The following SEMA6A variants were observed in gnomAD, a reference collection of about 807,000 sequenced individuals.
The protein encoded by SEMA6A is semaphorin 6A.
SEMA6A carries 25 observed loss-of-function variants against 96.8 expected under a neutral mutation model. The observed-to-expected ratio is 0.26, with a 90% CI of 0.19 to 0.36. The LOEUF is 0.36. Among genes scored for constraint, SEMA6A ranks in the 10% least tolerant of loss-of-function variants. SEMA6A has a pLI of 1.00. For missense variants in SEMA6A, 1,363 were observed against 1,323.1 expected, an observed-to-expected ratio of 1.03 and a Z score of -0.47; for synonymous variants, 612 against 518.0, an observed-to-expected ratio of 1.18 and a Z score of -2.46.
chr5:116,451,422 G>A (rs982705024), intron 18 of SEMA6A, among the ~76,000 whole-genome samples: 6 of 152,262 alleles, frequency 3.9e-5, no homozygotes, highest in African/African-American at 1.4e-4. Context: ...TAGTCAAAAA[G>A]GTGATATGAG....
At chr5:116,531,542 C>T (rs1759478196) in intron 1 of SEMA6A, among the ~76,000 whole-genome samples, 1 of 152,154 alleles carries the variant, frequency 6.6e-6, no homozygotes, top group Non-Finnish European at 1.5e-5. Context: ...CGCTAGGTGT[C>T]CTCCATCCCT....
chr5:116,451,956 C>G (rs1234047487), intron 18 of SEMA6A, among the ~76,000 whole-genome samples: 2 of 142,746 alleles, frequency 1.4e-5, no homozygotes, highest in East Asian at 4.3e-4. Context: ...CCCAGTGGAA[C>G]TGAATAATTA....
chr5:116,489,058 GT>G, intron 7 of SEMA6A, 51 bp from the exon 8 acceptor site: 1 of 1,508,918 alleles, frequency 6.6e-7, no homozygotes, highest in Non-Finnish European at 8.9e-7. Context: ...GTCAGTGGGG[GT>G]GGAGGAATAA....
intron 6 of SEMA6A, among the ~76,000 whole-genome samples, chr5:116,493,932 G>A (rs1043367780): frequency 2.0e-5 from 3 of 152,078 alleles, no homozygotes; most frequent in African/African-American, 4.8e-5. Context: ...GCAAAATGGA[G>A]CCCATACCTT....
intron 18 of SEMA6A, among the ~76,000 whole-genome samples, chr5:116,457,901 T>A (rs560255195): frequency 6.6e-6 from 1 of 152,148 alleles, no homozygotes; most frequent in Admixed American, 6.6e-5. Flanking sequence ...TTTCATCCTC[T>A]GTCTTTCCAG....
chr5:116,495,600 A>G (rs765003036), intron 5 of SEMA6A, 86 bp from the exon 6 acceptor site: 5 of 986,812 alleles, frequency 5.1e-6, no homozygotes, highest in Non-Finnish European at 7.7e-6. Flanking sequence ...GGCTGACAGT[A>G]AGGTTAAAGT....
At chr5:116,524,500 A>G (rs1759115495) in intron 1 of SEMA6A, among the ~76,000 whole-genome samples, 1 of 152,148 alleles carries the variant, frequency 6.6e-6, no homozygotes, top group Admixed American at 6.5e-5. Flanking sequence ...CTCCTTTTCA[A>G]GTTATTTGTA....
chr5:116,553,370 C>T (rs1760491486), intron 1 of SEMA6A, among the ~76,000 whole-genome samples: 1 of 152,150 alleles, frequency 6.6e-6, no homozygotes, highest in South Asian at 2.1e-4. Flanking sequence ...ACAGCTCTGG[C>T]GGCTCACACT....
intron 1 of SEMA6A, among the ~76,000 whole-genome samples, chr5:116,506,314 T>G (rs1456707695): frequency 6.6e-6 from 1 of 152,190 alleles, no homozygotes; most frequent in Non-Finnish European, 1.5e-5. Context: ...TTAATTTGCT[T>G]TATCTTGAAA....
intron 1 of SEMA6A, chr5:116,562,657 C>A (rs1424818922): frequency 2.8e-6 from 2 of 704,520 alleles, no homozygotes; most frequent in Non-Finnish European, 5.4e-6. Context: ...TCCGCCATAT[C>A]GTTGCACCCT....
chr5:116,523,253 C>A (rs1759044261), intron 1 of SEMA6A, among the ~76,000 whole-genome samples: 1 of 152,126 alleles, frequency 6.6e-6, no homozygotes, highest in African/African-American at 2.4e-5. Context: ...GCTTTTCTCA[C>A]CGGGTGGGTC....
chr5:116,452,106 G>A (rs1754678417), intron 18 of SEMA6A, among the ~76,000 whole-genome samples: 1 of 152,172 alleles, frequency 6.6e-6, no homozygotes. Context: ...CCCCTCCGCA[G>A]GTATCCTCCC....
intron 18 of SEMA6A, among the ~76,000 whole-genome samples, chr5:116,458,370 TTG>T (rs1755150314): frequency 1.3e-5 from 2 of 152,192 alleles, no homozygotes; most frequent in South Asian, 4.2e-4. Flanking sequence ...AACTTTGTCA[TTG>T]TGTGTGTTTT....
chr5:116,520,661 C>T (rs988986419), intron 1 of SEMA6A, among the ~76,000 whole-genome samples: 7 of 152,156 alleles, frequency 4.6e-5, no homozygotes, highest in African/African-American at 1.7e-4. Flanking sequence ...TAGGGAGGAA[C>T]TTTCTAGCAG....
chr5:116,486,645 T>G, intron 10 of SEMA6A, 104 bp downstream of exon 10: 1 of 887,702 alleles, frequency 1.1e-6, no homozygotes, highest in Non-Finnish European at 1.8e-6. Context: ...ACACAATGAA[T>G]GCAATTTTCA....
At chr5:116,527,261 A>G (rs1438422732) in intron 1 of SEMA6A, among the ~76,000 whole-genome samples, 2 of 152,160 alleles carry the variant, frequency 1.3e-5, no homozygotes, top group African/African-American at 2.4e-5. Flanking sequence ...ACTAAAAAAA[A>G]AGAAGCAATT....
At chr5:116,527,424 G>A (rs1420751292) in intron 1 of SEMA6A, among the ~76,000 whole-genome samples, 1 of 152,138 alleles carries the variant, frequency 6.6e-6, no homozygotes, top group Non-Finnish European at 1.5e-5. Context: ...GCTTCAATAC[G>A]AGGAAATACA....
chr5:116,524,430 T>G (rs1759111085), intron 1 of SEMA6A, among the ~76,000 whole-genome samples: 1 of 152,162 alleles, frequency 6.6e-6, no homozygotes, highest in South Asian at 2.1e-4. Flanking sequence ...GAAAGAATTG[T>G]TTTCCAATTA....
At chr5:116,518,905 A>C (rs949433787) in intron 1 of SEMA6A, among the ~76,000 whole-genome samples, 3 of 152,198 alleles carry the variant, frequency 2.0e-5, no homozygotes, top group African/African-American at 7.2e-5. Flanking sequence ...CCCCACGTTC[A>C]CTTTGAATAA....
Sources: allele counts gnomAD v4.1 joint callset (sites outside exome capture counted in the v4.1 genomes callset), GRCh38; gene constraint gnomAD v4.1.1; transcripts MANE v1.5; gene names NCBI Gene and HGNC (gene_info 2026-07-23, HGNC 2026-07-21).